ATRN: variants seen among roughly 807,000 people sequenced by gnomAD.
ATRN encodes the protein attractin.
Under a neutral mutation model 178.7 loss-of-function variants are expected in ATRN, and 54 were observed. The ratio of observed to expected loss-of-function variants is 0.30; its 90% CI spans 0.24 to 0.38. The LOEUF (loss-of-function observed/expected upper bound fraction) is 0.38, where lower values mean the gene tolerates loss of function less well. Ranked by LOEUF, ATRN falls within the 10% of genes least tolerant of loss-of-function variation. The probability of loss-of-function intolerance (pLI) is 1.00; values close to 1 mark genes in which losing one functional copy is unlikely to be tolerated. For missense variants in ATRN, 1,443 were observed against 1,815.1 expected (o/e 0.79, Z 3.73); for synonymous variants, 636 against 663.0 (o/e 0.96, Z 0.63).
At chr20:3,548,211 G>A (rs753504072) in intron 5 of ATRN, among the ~76,000 whole-genome samples, 158 of 152,208 alleles carry the variant, frequency 1.0e-3, no homozygotes, top group African/African-American at 3.4e-3. Flanking sequence ...TTGCTCCCGG[G>A]TCTAGTTATC....
intron 18 of ATRN, among the ~76,000 whole-genome samples, chr20:3,585,162 TG>T (rs2086340488): frequency 6.6e-6 from 1 of 152,126 alleles, no homozygotes; most frequent in South Asian, 2.1e-4. Context: ...CTAGAACAGT[TG>T]GGAGAGGCTG....
intron 23 of ATRN, among the ~76,000 whole-genome samples, chr20:3,601,652 C>G (rs889636570): frequency 2.8e-5 from 4 of 141,796 alleles, no homozygotes; most frequent in African/African-American, 1.1e-4. Context: ...TGCTTGAGCT[C>G]AGGAGTTTAA....
At position 3,638,698 on chromosome 20, in the gene ATRN, T is replaced by G; in HGVS notation, c.3943-130T>G. The G allele has an allele frequency of 7.1e-6, 5 of 706,716 alleles. No individual in the cohort carries two copies. Among genetic ancestry groups the G allele is most frequent in the Non-Finnish European group, 1.2e-5 (5 of 427,618 alleles). 43.8% of individuals were successfully genotyped at this position (706,716 alleles called of 1,614,324 possible). ...ATCCCTAATGTTATCTAATATCAAG[T>G]CTAAAAAGTATCATTTTGGACTTGA... On this transcript the variant is annotated intron_variant, in intron 26 of 28. Coordinates refer to ENST00000262919, the MANE Select transcript of ATRN (RefSeq NM_139321.3). The surrounding 1 kb of genome is among the most constrained non-coding windows in gnomAD (Gnocchi z 4.5).
At chr20:3,576,077 T>A (rs2086205729) in intron 13 of ATRN, 129 bp downstream of exon 13, 2 of 1,118,232 alleles carry the variant, frequency 1.8e-6, no homozygotes, top group South Asian at 4.2e-5. Flanking sequence ...GATTTTATTA[T>A]CCCTGAGGTT....
intron 1 of ATRN, among the ~76,000 whole-genome samples, chr20:3,526,893 C>G (rs148766793): frequency 6.6e-6 from 1 of 152,136 alleles, no homozygotes; most frequent in Non-Finnish European, 1.5e-5. Flanking sequence ...AAAACTGAAA[C>G]TGGACCCCTT....
At chr20:3,586,802 A>G (rs1253353316) in intron 18 of ATRN, among the ~76,000 whole-genome samples, 1 of 152,354 alleles carries the variant, frequency 6.6e-6, no homozygotes, top group Non-Finnish European at 1.5e-5. Flanking sequence ...GGATGGAAAC[A>G]AGGAATAATA....
intron 3 of ATRN, among the ~76,000 whole-genome samples, chr20:3,542,643 C>T (rs866420449): frequency 3.6e-4 from 44 of 122,278 alleles, no homozygotes; most frequent in African/African-American, 1.3e-3. Context: ...TCCCCTTCCC[C>T]TTCCCTTTTC....
At position 3,604,251 on chromosome 20, in the gene ATRN, A is replaced by T. The variant is rs765354224; in HGVS notation, c.3790A>T (p.Ile1264Phe). The change falls in exon 24 of 29, where the codon ATC becomes TTC. Residue 1264 changes from isoleucine (I) to phenylalanine (F), a missense_variant. Physicochemically the swap from Ile to Phe is conservative, Grantham distance 21. Around this residue, in one of 4 missense-constraint regions of ATRN, gnomAD observed 289 missense variants for 440.8 expected, o/e 0.66. Transcript: ENST00000262919. ...TTATGTCAGTAATTTCACCTGGCCC[A>T]TCAAAATTCAGGTAAGAAGAGGCTT... ...FVYVSNFTWP[I>F]KIQIAFSQHS... The T allele has an allele frequency of 6.3e-7, 1 of 1,599,232 alleles. No individual in the cohort carries two copies. The highest frequency in any genetic ancestry group is 1.1e-5 in the South Asian group (1 of 87,540).
At chr20:3,571,034 A>AT (rs1015453122) in intron 11 of ATRN, among the ~76,000 whole-genome samples, 2 of 152,114 alleles carry the variant, frequency 1.3e-5, no homozygotes, top group South Asian at 2.1e-4. Context: ...TCTGCGTTCC[A>AT]TTTTTTCCCC....
At chr20:3,568,312 AACCTT>A (rs2086067784) in intron 11 of ATRN, among the ~76,000 whole-genome samples, 1 of 149,896 alleles carries the variant, frequency 6.7e-6, no homozygotes, top group African/African-American at 2.5e-5. Flanking sequence ...AAGAGAAAGA[AACCTT>A]ATATTAATTT....
At position 3,558,458 on chromosome 20, in the gene ATRN, T is replaced by C. The variant is rs60430958; in HGVS notation, c.1113-935T>C. ...TTATATATGATAATGTTTTTCAAGA[T>C]TTTTTAAATACTTGGAATATCCAGG... is the stretch of plus-strand genomic sequence containing the variant. On this transcript the variant is annotated intron_variant, in intron 6 of 28. Coordinates refer to ENST00000262919, the MANE Select transcript of ATRN (RefSeq NM_139321.3). 4.9e-3 allele frequency among the ~76,000 whole-genome samples: 753 copies of C among 152,200 alleles called. 23 individuals carry two copies. The East Asian group carries it at 0.092, about 19-fold the overall frequency.
At chr20:3,570,143 AT>A (rs10718420) in intron 11 of ATRN, among the ~76,000 whole-genome samples, 121,012 of 151,450 alleles carry the variant, frequency 0.8, 48,638 homozygotes, top group East Asian at 1. Flanking sequence ...AATTGTCTCA[AT>A]TTTTTTTTTA....
chr20:3,547,207 T>C, intron 4 of ATRN, 77 bp from the exon 5 acceptor site: 1 of 1,151,944 alleles, frequency 8.7e-7, no homozygotes, highest in South Asian at 1.3e-5. Context: ...ATTCTTAAAC[T>C]TGTGTGGGAG....
chr20:3,597,482 A>T (rs1405864287), intron 21 of ATRN, among the ~76,000 whole-genome samples: 1 of 152,234 alleles, frequency 6.6e-6, no homozygotes, highest in Non-Finnish European at 1.5e-5. Flanking sequence ...TAAAGTGATT[A>T]GAATCCAACG....
In ATRN at chr20:3,547,464, A is replaced by G. The variant is rs761726916; in HGVS notation, c.918A>G (p.Gly306=). The change falls in exon 5 of 29, where the codon GGA becomes GGG. Residue 306 remains glycine, a synonymous_variant. Coordinates refer to ENST00000262919, the MANE Select transcript of ATRN (RefSeq NM_139321.3). ...TCTGCAATTCAAGTGATGTCAGAGGATGCTCCTGCTTCTCAGACTGGCAGG... is the reference window on the plus strand; with the variant it reads ...TCTGCAATTCAAGTGATGTCAGAGGGTGCTCCTGCTTCTCAGACTGGCAGG... ...RGICNSSDVR[G]CSCFSDWQGP... The G allele has an allele frequency of 6.2e-7, 1 of 1,614,068 alleles. No individual in the cohort carries two copies. Among genetic ancestry groups the G allele is most frequent in the Non-Finnish European group, 8.5e-7 (1 of 1,179,912 alleles).
In ATRN at chr20:3,560,850, C is replaced by A. The variant is rs2085942278; in HGVS notation, c.1392C>A (p.Ile464=). The A allele has an allele frequency of 6.2e-7, 1 of 1,614,046 alleles. No individual in the cohort carries two copies. The highest frequency in any genetic ancestry group is 8.5e-7 in the Non-Finnish European group (1 of 1,180,040). The change falls in exon 8 of 29, where the codon ATC becomes ATA. Residue 464 remains isoleucine, a synonymous_variant. Transcript: ENST00000262919. The stretch of plus-strand genomic sequence containing the variant: ...ATGGCCGAGTGGTCATGCTGGTCAT[C>A]TTTGGTCACTGCCCTCTCTATGGAT... The part of the protein sequence containing the change: ...LKNGRVVMLV[I]FGHCPLYGYI...
chr20:3,471,190 G>C lies in ATRN; in HGVS notation c.83G>C (p.Gly28Ala). The C allele has an allele frequency of 6.7e-7, 1 of 1,502,318 alleles. No individual in the cohort carries two copies. 93.1% of individuals were successfully genotyped at this position (1,502,318 alleles called of 1,614,324 possible). ...GCAGCGCTCGCGGGCAGGAGCGGCG[G>C]GCCGCACTGGGACTGGGACGTGACC... ...ATAALAGRSG[G>A]PHWDWDVTRA... Residue 28 changes from glycine (G) to alanine (A), a missense_variant, in exon 1 of 29, where the codon GGG becomes GCG. Physicochemically the swap from Gly to Ala is moderately conservative, Grantham distance 60 (BLOSUM62 0). Around this residue, in one of 4 missense-constraint regions of ATRN, gnomAD observed 862 missense variants for 972.1 expected, o/e 0.89. Coordinates refer to ENST00000262919, the MANE Select transcript of ATRN (RefSeq NM_139321.3).
intron 12 of ATRN, among the ~76,000 whole-genome samples, chr20:3,573,339 A>G (rs1473026747): frequency 6.6e-6 from 1 of 152,260 alleles, no homozygotes; most frequent in Non-Finnish European, 1.5e-5. Context: ...GCTATCAGAT[A>G]CTTGAAATGT....
chr20:3,608,924 G>T (rs1034782988), intron 24 of ATRN, among the ~76,000 whole-genome samples: 1 of 144,924 alleles, frequency 6.9e-6, no homozygotes, highest in Non-Finnish European at 1.5e-5. Flanking sequence ...CCAAGATTAC[G>T]CCACTACATT....
Sources: gnomAD v4.1 joint callset for allele counts (sites outside exome capture counted in the v4.1 genomes callset) on GRCh38, gnomAD v4.1.1 for gene constraint, gnomAD v4.1.1 regional missense constraint, Gnocchi (gnomAD v3.1) non-coding constraint, MANE v1.5 for transcripts, NCBI Gene and HGNC (gene_info 2026-07-23, HGNC 2026-07-21) for gene names.